UGT2B15: variants seen among roughly 807,000 people sequenced by gnomAD.
The protein encoded by UGT2B15 is UDP glucuronosyltransferase family 2 member B15, also known as UDP-glucuronosyltransferase 2B15.
UGT2B15 carries 36 observed loss-of-function variants against 45.9 expected under a neutral mutation model. The ratio of observed to expected loss-of-function variants is 0.78; its 90% CI spans 0.60 to 1.04. The LOEUF (loss-of-function observed/expected upper bound fraction) is 1.04. Ranked by LOEUF, UGT2B15 falls within the 50% of genes least tolerant of loss-of-function variation. The pLI is 0.00. For missense variants in UGT2B15, 617 were observed against 622.4 expected, an observed-to-expected ratio of 0.99 and a Z score of 0.09; for synonymous variants, 219 against 216.4, an observed-to-expected ratio of 1.01 and a Z score of -0.11.
In UGT2B15 at chr4:68,647,323, C is replaced by T. The variant is rs1169674444; in HGVS notation, c.1374G>A (p.Leu458=). The T allele has an allele frequency of 6.2e-7, 1 of 1,613,706 alleles. No individual in the cohort carries two copies. ...ACTCAATCCAGAAGACTGCTCGATC[C>T]AGGGGCTTCATTGGTTGGTCATGAT... ...RIHHDQPMKP[L]DRAVFWIEFV... Residue 458 remains leucine (L), a synonymous_variant, in exon 6 of 6, where the codon CTG becomes CTA. Transcript: ENST00000338206.
chr4:68,664,326 A>T (rs1287848278), intron 2 of UGT2B15, among the ~76,000 whole-genome samples: 1 of 150,194 alleles, frequency 6.7e-6, no homozygotes, highest in Non-Finnish European at 1.5e-5. Flanking sequence ...AGTTTCCTGG[A>T]TATCATATCA....
intron 1 of UGT2B15, among the ~76,000 whole-genome samples, chr4:68,668,397 G>C (rs1398297494): frequency 6.6e-6 from 1 of 151,964 alleles, no homozygotes; most frequent in Non-Finnish European, 1.5e-5. Context: ...TATATATAAG[G>C]AAGGCAATGT....
chr4:68,651,645 G>T (rs1017168238), intron 5 of UGT2B15, among the ~76,000 whole-genome samples: 7 of 152,062 alleles, frequency 4.6e-5, no homozygotes, highest in African/African-American at 1.7e-4. Flanking sequence ...TTCCCCAGTT[G>T]CTTGTTTTTG....
chr4:68,667,185 CAG>C (rs1439210258), intron 2 of UGT2B15, among the ~76,000 whole-genome samples: 2 of 150,490 alleles, frequency 1.3e-5, no homozygotes, highest in East Asian at 3.9e-4. Context: ...GTTTTTGAGA[CAG>C]AGTCTCGCTC....
intron 5 of UGT2B15, among the ~76,000 whole-genome samples, chr4:68,649,018 G>C (rs1389780335): frequency 6.6e-6 from 1 of 151,698 alleles, no homozygotes; most frequent in African/African-American, 2.4e-5. Context: ...ATTTTTGTTG[G>C]ATGTATACTT....
intron 1 of UGT2B15, among the ~76,000 whole-genome samples, chr4:68,669,023 A>T (rs1733223955): frequency 6.6e-6 from 1 of 151,666 alleles, no homozygotes; most frequent in Non-Finnish European, 1.5e-5. Context: ...TCTACAGTTT[A>T]TTAAGCTAGT....
At position 68,653,973 on chromosome 4, in the gene UGT2B15, T is replaced by G. The variant is rs1732726928; in HGVS notation, c.1313+64A>C. ...TTAGTCTCTTAAAAACGGGTTAAAA[T>G]TCATATTCACTGTTGACAAAATAAT... is the stretch of plus-strand genomic sequence containing the variant. On this transcript the variant is annotated intron_variant, in intron 5 of 5. Transcript: ENST00000338206. 7.6e-6 allele frequency: 12 copies of G among 1,586,380 alleles called. No homozygotes were observed. In the Admixed American group the frequency reaches 2.1e-4, roughly 27 times the overall value.
chr4:68,655,767 A>G (rs1732785526), intron 3 of UGT2B15, among the ~76,000 whole-genome samples: 1 of 151,968 alleles, frequency 6.6e-6, no homozygotes, highest in African/African-American at 2.4e-5. Flanking sequence ...AATGTATAAA[A>G]CCAAACTGTC....
intron 5 of UGT2B15, among the ~76,000 whole-genome samples, chr4:68,651,661 T>G (rs1413967723): frequency 6.6e-6 from 1 of 152,054 alleles, no homozygotes; most frequent in Non-Finnish European, 1.5e-5. Flanking sequence ...TTTTGTCAGG[T>G]TTGTTAACAA....
rs576555278 is a variant in UGT2B15, at chr4:68,647,144, C to A, written c.1553G>T (p.Arg518Leu). The A allele has an allele frequency of 1.2e-6, 2 of 1,613,436 alleles. No homozygotes were observed. The highest frequency in any genetic ancestry group is 2.7e-5 in the African/African-American group (2 of 74,782). Residue 518 changes from arginine (R) to leucine (L), a missense_variant, in exon 6 of 6, where the codon CGA (arginine) becomes CTA (leucine). This residue lies in a region of UGT2B15 where 265 missense variants were observed against 245.1 expected (regional missense o/e 1.08). Coordinates refer to ENST00000338206, the MANE Select transcript of UGT2B15 (RefSeq NM_001076.4). ...CTTCTTTCCTTTTTTGGCAAGCTTTCGGAAACAAAACAGGCAAAATTTTGT... is the reference window on the plus strand; with the variant it reads ...CTTCTTTCCTTTTTTGGCAAGCTTTAGGAAACAAAACAGGCAAAATTTTGT... ...IITKFCLFCF[R>L]KLAKKGKKKK... is the part of the protein sequence containing the mutation.
chr4:68,650,751 T>A (rs1732629654), intron 5 of UGT2B15, among the ~76,000 whole-genome samples: 7 of 152,072 alleles, frequency 4.6e-5, no homozygotes, highest in Admixed American at 4.6e-4. Context: ...TGAACTAACT[T>A]ACATTCCCGT....
chr4:68,646,617 A>T lies in UGT2B15; in HGVS notation c.*487T>A, dbSNP rs189314018. On this transcript the variant is annotated 3_prime_UTR_variant, in exon 6 of 6. Coordinates refer to ENST00000338206, the MANE Select transcript of UGT2B15 (RefSeq NM_001076.4). ...GCCCATAAGGTTTTATATTATTTTT[A>T]TTTTTCTTTTCTTTTTTTTTTATGG... 5 of 149,524 alleles carry T rather than the reference A, an allele frequency of 3.3e-5. No homozygotes were observed. The highest frequency in any genetic ancestry group is 1.2e-4 in the African/African-American group (5 of 40,230). The allele number at this position is 149,524 out of a possible 1,614,324, so 9.3% of individuals were successfully genotyped here. A position where few individuals can be genotyped will look rare whatever the true frequency, so the allele number is the denominator to read the frequency against.
Position 68,660,376 on chromosome 4 carries a change from A to G in UGT2B15, c.1005+2632T>C, listed in dbSNP as rs1008727353. 4.0e-5 allele frequency among the ~76,000 whole-genome samples: 6 copies of G among 151,808 alleles called. No homozygotes were observed. In the East Asian group the frequency reaches 1.2e-3, roughly 29 times the overall value. On this transcript the variant is annotated intron_variant, in intron 3 of 5. Transcript: ENST00000338206. Reference sequence around the variant, plus strand: ...TGGAACCCCAAGAGGAGAGGAATTCACCCAACTCGTAGGTATTTGATGGTA... The same window carrying G: ...TGGAACCCCAAGAGGAGAGGAATTCGCCCAACTCGTAGGTATTTGATGGTA...
intron 3 of UGT2B15, among the ~76,000 whole-genome samples, chr4:68,661,081 C>T (rs1732952009): frequency 6.6e-6 from 1 of 151,976 alleles, no homozygotes. Context: ...ATAAACCTTC[C>T]TTGCCATTAG....
chr4:68,659,213 A>AT (rs1230426343), intron 3 of UGT2B15, among the ~76,000 whole-genome samples: 1 of 151,936 alleles, frequency 6.6e-6, no homozygotes, highest in Admixed American at 6.6e-5. Context: ...AAGAATGAAG[A>AT]TTTTTGCCTT....
At chr4:68,657,634 T>C (rs1330101439) in intron 3 of UGT2B15, among the ~76,000 whole-genome samples, 2 of 152,112 alleles carry the variant, frequency 1.3e-5, no homozygotes, top group Non-Finnish European at 2.9e-5. Flanking sequence ...AAAATGAAGG[T>C]AATACGGTCT....
At chr4:68,648,584 C>T (rs1277432222) in intron 5 of UGT2B15, among the ~76,000 whole-genome samples, 7 of 151,994 alleles carry the variant, frequency 4.6e-5, no homozygotes, top group African/African-American at 7.3e-5. Flanking sequence ...AGTAAAACTT[C>T]AAGTATGAAA....
chr4:68,654,294 A>G, intron 4 of UGT2B15, 38 bp from the exon 5 acceptor site: 2 of 1,600,602 alleles, frequency 1.2e-6, no homozygotes, highest in South Asian at 2.2e-5. Flanking sequence ...TATTAATTAC[A>G]AGGTATGAGA....
At chr4:68,664,578 T>C (rs1366351229) in intron 2 of UGT2B15, among the ~76,000 whole-genome samples, 1 of 152,008 alleles carries the variant, frequency 6.6e-6, no homozygotes, top group Non-Finnish European at 1.5e-5. Flanking sequence ...CATCTTTTTT[T>C]TTTTTCCAGA....
Sources: allele counts gnomAD v4.1 joint callset (sites outside exome capture counted in the v4.1 genomes callset), GRCh38; gene constraint gnomAD v4.1.1; regional missense constraint gnomAD v4.1.1; transcripts MANE v1.5; gene names NCBI Gene and HGNC (gene_info 2026-07-23, HGNC 2026-07-21).